The following TUBA3D variants were observed in gnomAD, a reference collection of about 807,000 sequenced individuals.
TUBA3D encodes the protein tubulin alpha 3d, also known as tubulin alpha-3D chain.
TUBA3D carries 24 observed loss-of-function variants against 36.1 expected under a neutral mutation model. The ratio of observed to expected loss-of-function variants is 0.66; its 90% CI spans 0.48 to 0.93. The LOEUF (loss-of-function observed/expected upper bound fraction) is 0.93, where lower values mean the gene tolerates loss of function less well. Ranked by LOEUF, TUBA3D falls within the 40% of genes least tolerant of loss-of-function variation. The pLI is 0.00. For missense variants in TUBA3D, 356 were observed against 614.5 expected (o/e 0.58, Z 4.45); for synonymous variants, 185 against 247.2 (o/e 0.75, Z 2.36).
intron 1 of TUBA3D, among the ~76,000 whole-genome samples, chr2:131,476,901 C>G (rs1038506683): frequency 6.8e-6 from 1 of 147,720 alleles, no homozygotes; most frequent in African/African-American, 2.6e-5. Flanking sequence ...CGCCAGTGCA[C>G]TCCAGCCTGG....
intron 3 of TUBA3D, among the ~76,000 whole-genome samples, 155 bp downstream of exon 3, chr2:131,479,611 G>A (rs397843423): frequency 3.9e-5 from 6 of 152,210 alleles, no homozygotes; most frequent in South Asian, 4.1e-4. Flanking sequence ...AGGCTAAAGC[G>A]GGTGGATTAC....
In TUBA3D at chr2:131,480,704, C is replaced by G; in HGVS notation, c.1011C>G (p.Thr337=). Residue 337 remains threonine (T), a synonymous_variant, in exon 4 of 5, where the codon ACC becomes ACG. Transcript: ENST00000321253. ...ACGCGGCCATCGCCACCATCAAGACCAAGCGCACCATCCAGTTTGTGGATT... is the reference window on the plus strand; with the variant it reads ...ACGCGGCCATCGCCACCATCAAGACGAAGCGCACCATCCAGTTTGTGGATT... ...DVNAAIATIK[T]KRTIQFVDWC... The G allele has an allele frequency of 6.2e-7, 1 of 1,612,940 alleles. No individual in the cohort carries two copies. The highest frequency in any genetic ancestry group is 8.5e-7 in the Non-Finnish European group (1 of 1,179,614).
chr2:131,479,031 C>T (rs3101997), intron 2 of TUBA3D, among the ~76,000 whole-genome samples: 7 of 152,334 alleles, frequency 4.6e-5, no homozygotes, highest in African/African-American at 1.7e-4. Flanking sequence ...TATGTACCTG[C>T]GTAGGAGTGC....
At chr2:131,479,274 T>G (rs1678769990) in intron 2 of TUBA3D, 34 bp from the exon 3 acceptor site, 1 of 1,609,348 alleles carries the variant, frequency 6.2e-7, no homozygotes, top group South Asian at 1.1e-5. Flanking sequence ...GTACAGGCCT[T>G]AAAAATTCAC....
chr2:131,482,773 A>G lies in TUBA3D; in HGVS notation c.1278A>G (p.Ala426=). The change falls in exon 5 of 5, where the codon GCA becomes GCG. Residue 426 remains alanine (A), a synonymous_variant. Coordinates refer to ENST00000321253, the MANE Select transcript of TUBA3D (RefSeq NM_080386.4). Reference sequence around the variant, plus strand: ...TCTCTGAGGCCCGCGAGGACCTGGCAGCTCTAGAGAAGGATTATGAAGAGG... The same window carrying G: ...TCTCTGAGGCCCGCGAGGACCTGGCGGCTCTAGAGAAGGATTATGAAGAGG... ...GEFSEAREDL[A]ALEKDYEEVG... is the part of the protein sequence containing the mutation. 6.2e-7 allele frequency: 1 copy of G among 1,614,176 alleles called. No individual in the cohort carries two copies. The highest frequency in any genetic ancestry group is 8.5e-7 in the Non-Finnish European group (1 of 1,180,032).
At position 131,480,437 on chromosome 2, in the gene TUBA3D, G is replaced by A; in HGVS notation, c.744G>A (p.Leu248=). The change falls in exon 4 of 5, where the codon CTG becomes CTA. Residue 248 remains leucine (L), a synonymous_variant. Transcript: ENST00000321253. ...ITASLRFDGA[L]NVDLTEFQTN... ...CCTCCCTGCGATTTGATGGGGCCCT[G>A]AATGTGGACTTGACGGAATTCCAGA... 5 of 1,589,070 alleles carry A rather than the reference G, an allele frequency of 3.1e-6. No individual in the cohort carries two copies. The highest frequency in any genetic ancestry group is 4.3e-6 in the Non-Finnish European group (5 of 1,171,846).
In TUBA3D at chr2:131,479,456, G is replaced by C; in HGVS notation, c.375G>C (p.Leu125=). 1 of 1,613,800 alleles carries C rather than the reference G, an allele frequency of 6.2e-7. No individual in the cohort carries two copies. Among genetic ancestry groups the C allele is most frequent in the Non-Finnish European group, 8.5e-7 (1 of 1,179,830 alleles). The change falls in exon 3 of 5, where the codon CTG becomes CTC. Residue 125 remains leucine (L), a splice_region_variant and synonymous_variant. Coordinates refer to ENST00000321253, the MANE Select transcript of TUBA3D (RefSeq NM_080386.4). ...TAGTCCTGGACCGGATCCGCAAACT[G>C]GTAAGAAGAGAAGGTTTCATGTGGC... ...VDLVLDRIRK[L]ADLCTGLQGF... is the part of the protein sequence containing the mutation.
chr2:131,478,970 G>C (rs146296468), intron 2 of TUBA3D, among the ~76,000 whole-genome samples: 7,469 of 152,300 alleles, frequency 0.049, 625 homozygotes, highest in African/African-American at 0.17. Context: ...TGCCCAGGTT[G>C]TAAGAGTTTC....
At chr2:131,478,670 C>A in intron 2 of TUBA3D, 1 of 567,538 alleles carries the variant, frequency 1.8e-6, no homozygotes, top group Non-Finnish European at 3.0e-6. Context: ...CTCAGGTGGC[C>A]CTGCCTGCAG....
At chr2:131,477,279 C>T (rs1452402283) in intron 1 of TUBA3D, among the ~76,000 whole-genome samples, 1 of 152,030 alleles carries the variant, frequency 6.6e-6, no homozygotes, top group African/African-American at 2.4e-5. Flanking sequence ...AAGTGATCCT[C>T]TCACCTCAGC....
chr2:131,479,682 A>T (rs1281376524), intron 3 of TUBA3D, among the ~76,000 whole-genome samples: 8 of 152,182 alleles, frequency 5.3e-5, no homozygotes, highest in Non-Finnish European at 1.2e-4. Context: ...TCTACTAAAA[A>T]TACAAAAATT....
At chr2:131,476,375 G>A (rs761509300) in intron 1 of TUBA3D, among the ~76,000 whole-genome samples, 173 bp downstream of exon 1, 1 of 152,222 alleles carries the variant, frequency 6.6e-6, no homozygotes, top group Non-Finnish European at 1.5e-5. Context: ...TGGGTCCCAG[G>A]GCAGGGACGG....
intron 2 of TUBA3D, 59 bp from the exon 3 acceptor site, chr2:131,479,249 T>A: frequency 6.3e-7 from 1 of 1,583,248 alleles, no homozygotes; most frequent in East Asian, 2.2e-5. Context: ...TCCTGGAATG[T>A]GTCCATCTTG....
At chr2:131,482,023 C>A (rs997228837) in intron 4 of TUBA3D, among the ~76,000 whole-genome samples, 1 of 152,244 alleles carries the variant, frequency 6.6e-6, no homozygotes, top group Non-Finnish European at 1.5e-5. Context: ...CTTAGGCAGG[C>A]ACATGGACCA....
At chr2:131,476,963 A>G (rs1678692054) in intron 1 of TUBA3D, among the ~76,000 whole-genome samples, 1 of 144,654 alleles carries the variant, frequency 6.9e-6, no homozygotes, top group South Asian at 2.1e-4. Flanking sequence ...GCCCATTAAC[A>G]TAACAGATTC....
Position 131,476,173 on chromosome 2 carries a change from C to T in TUBA3D, c.-27C>T, listed in dbSNP as rs780027105. ...GCAGCCGGTTGAGGTCTGGCAGTAG[C>T]GTTGGGCTGAAGCAGCGGAGTTCGC... On this transcript the variant is annotated 5_prime_UTR_variant, in exon 1 of 5. Transcript: ENST00000321253. The T allele has an allele frequency of 6.8e-6, 11 of 1,613,722 alleles. No homozygotes were observed. The East Asian group carries it at 1.1e-4, about 16-fold the overall frequency.
rs750560063 is a variant in TUBA3D, at chr2:131,478,343, C to T, written c.183C>T (p.His61=). 36 of 1,613,840 alleles carry T rather than the reference C, an allele frequency of 2.2e-5. No homozygotes were observed. Among genetic ancestry groups the T allele is most frequent in the African/African-American group, 1.9e-4 (14 of 74,916 alleles). ...TCAGTGAGACTGGAGCTGGCAAGCA[C>T]GTGCCCAGAGCAGTGTTTGTGGACC... The part of the protein sequence containing the change: ...TFFSETGAGK[H]VPRAVFVDLE... The change falls in exon 2 of 5, where the codon CAC becomes CAT. Residue 61 remains histidine, a synonymous_variant. Transcript: ENST00000321253.
rs7561684 is a variant in TUBA3D at position 131,476,212 on chromosome 2, G to T, written c.3+10G>T. ...AGCGGAGTTCGCCATGGTAAGGCCCGGGTCACTCCCGCCCCGCAGATGCCC... is the reference window on the plus strand; with the variant it reads ...AGCGGAGTTCGCCATGGTAAGGCCCTGGTCACTCCCGCCCCGCAGATGCCC... On this transcript the variant is annotated intron_variant, in intron 1 of 4. Transcript: ENST00000321253. The T allele has an allele frequency of 6.2e-7, 1 of 1,612,032 alleles. No homozygotes were observed. Among genetic ancestry groups the T allele is most frequent in the African/African-American group, 1.3e-5 (1 of 74,570 alleles).
At chr2:131,476,477 C>T (rs1056706608) in intron 1 of TUBA3D, among the ~76,000 whole-genome samples, 8 of 152,214 alleles carry the variant, frequency 5.3e-5, no homozygotes, top group Non-Finnish European at 8.8e-5. Flanking sequence ...GGCGTCGCCT[C>T]CTGAAGACGG....
Sources: allele counts gnomAD v4.1 joint callset (sites outside exome capture counted in the v4.1 genomes callset), GRCh38; gene constraint gnomAD v4.1.1; transcripts MANE v1.5; gene names NCBI Gene and HGNC (gene_info 2026-07-23, HGNC 2026-07-21).